The following EDC3 variants were observed in gnomAD, a reference collection of about 807,000 sequenced individuals.
EDC3 encodes the protein enhancer of mRNA decapping 3, also known as enhancer of mRNA-decapping protein 3.
A neutral mutation model predicts 41.8 loss-of-function variants in EDC3; 20 were observed. The observed-to-expected ratio is 0.48, with a 90% confidence interval of 0.34 to 0.70. The LOEUF is 0.70. Ranked by LOEUF, EDC3 falls within the 30% of genes least tolerant of loss-of-function variation. The probability of loss-of-function intolerance (pLI) is 0.01; values close to 1 mark genes in which losing one functional copy is unlikely to be tolerated. For synonymous variants in EDC3, 206 were observed against 243.2 expected, an observed-to-expected ratio of 0.85 and a Z score of 1.42; for missense variants, 444 against 636.8, an observed-to-expected ratio of 0.70 and a Z score of 3.26.
intron 4 of EDC3, chr15:74,641,773 G>C (rs2062354790): frequency 6.5e-6 from 1 of 153,174 alleles, no homozygotes. Flanking sequence ...CCTGAGGTAA[G>C]GAAATTAATC....
At chr15:74,640,307 C>T in intron 5 of EDC3, 159 bp downstream of exon 5, 1 of 803,074 alleles carries the variant, frequency 1.2e-6, no homozygotes, top group East Asian at 2.6e-5. Flanking sequence ...GGCAAAGAAA[C>T]CTCACAGCAT....
intron 1 of EDC3, among the ~76,000 whole-genome samples, chr15:74,681,631 T>C (rs1005198669): frequency 6.6e-6 from 1 of 152,162 alleles, no homozygotes; most frequent in African/African-American, 2.4e-5. Context: ...TTTGACAAAG[T>C]GCAAAAACAA....
chr15:74,663,641 G>A (rs995259108), intron 3 of EDC3, among the ~76,000 whole-genome samples: 1 of 148,546 alleles, frequency 6.7e-6, no homozygotes, highest in African/African-American at 2.5e-5. Flanking sequence ...TAAGAGATAC[G>A]CAACTTTTAT....
intron 4 of EDC3, among the ~76,000 whole-genome samples, chr15:74,650,143 T>G (rs1422801874): frequency 6.6e-6 from 1 of 152,164 alleles, no homozygotes; most frequent in Non-Finnish European, 1.5e-5. Flanking sequence ...CCCCTCTCGT[T>G]CCACCTGGAA....
Position 74,632,479 on chromosome 15 carries a change from T to C in EDC3, c.*133A>G. 8.2e-6 allele frequency: 9 copies of C among 1,092,886 alleles called. No individual in the cohort carries two copies. The highest frequency in any genetic ancestry group is 1.2e-5 in the Non-Finnish European group (9 of 773,738). 67.7% of individuals were successfully genotyped at this position (1,092,886 alleles called of 1,614,324 possible). On this transcript the variant is annotated 3_prime_UTR_variant, in exon 7 of 7. Transcript: ENST00000315127. The surrounding 1 kb of genome is among the most constrained non-coding windows in gnomAD (Gnocchi z 4.0). Reference sequence around the variant, plus strand: ...AAGTGACAGGTCAGTTTTAAGTAAGTTCTGTTCTCTCACAGAAGAAACAAA... The same window carrying C: ...AAGTGACAGGTCAGTTTTAAGTAAGCTCTGTTCTCTCACAGAAGAAACAAA...
intron 3 of EDC3, among the ~76,000 whole-genome samples, chr15:74,664,860 C>T (rs1436159209): frequency 6.6e-6 from 1 of 152,190 alleles, no homozygotes; most frequent in Admixed American, 6.5e-5. Context: ...CATACTGCAA[C>T]AAGATAATAT....
chr15:74,651,176 G>A (rs1378605051), intron 4 of EDC3, among the ~76,000 whole-genome samples: 8 of 152,126 alleles, frequency 5.3e-5, no homozygotes, highest in Non-Finnish European at 8.8e-5. Context: ...ACACATGCAC[G>A]TAGAATCAGT....
intron 1 of EDC3, chr15:74,679,974 C>T (rs532573240): frequency 6.7e-6 from 1 of 150,060 alleles, no homozygotes; most frequent in Non-Finnish European, 1.5e-5. Context: ...AATTATACAC[C>T]ACACCCAGCC....
chr15:74,659,456 G>T (rs1486265399), intron 3 of EDC3, among the ~76,000 whole-genome samples: 2 of 141,882 alleles, frequency 1.4e-5, no homozygotes, highest in Non-Finnish European at 3.0e-5. Context: ...GCAAAACTTC[G>T]ACTCAAAAAA....
At chr15:74,664,622 C>A (rs1024575465) in intron 3 of EDC3, among the ~76,000 whole-genome samples, 2 of 152,180 alleles carry the variant, frequency 1.3e-5, no homozygotes, top group African/African-American at 4.8e-5. Context: ...TGTTTTACTG[C>A]CAGATTAAAC....
At chr15:74,688,673 C>T (rs756330265) in intron 1 of EDC3, among the ~76,000 whole-genome samples, 10 of 152,068 alleles carry the variant, frequency 6.6e-5, no homozygotes, top group Admixed American at 1.3e-4. Flanking sequence ...TGGGAGGCCA[C>T]GGCGGGTGGA....
In EDC3 at chr15:74,661,996, G is replaced by A. The variant is rs540808696; in HGVS notation, c.485-5928C>T. 6.2e-4 allele frequency among the ~76,000 whole-genome samples: 95 copies of A among 152,158 alleles called. 1 individual carries two copies. Among genetic ancestry groups the A allele is most frequent in the African/African-American group, 2.2e-3 (93 of 41,510 alleles). The stretch of plus-strand genomic sequence containing the variant: ...TTTTGTATCCTGCTTTCTCGCTTAG[G>A]AGCATCCTCGAGTTTCATGAAAAAA... On this transcript the variant is annotated intron_variant, in intron 3 of 6. Transcript: ENST00000315127.
intron 1 of EDC3, among the ~76,000 whole-genome samples, chr15:74,681,164 T>C (rs1368588475): frequency 4.6e-5 from 7 of 152,050 alleles, no homozygotes; most frequent in Non-Finnish European, 8.8e-5. Context: ...TAAATCAATA[T>C]TTTTTTTGAG....
At chr15:74,682,812 C>T (rs1231165877) in intron 1 of EDC3, among the ~76,000 whole-genome samples, 1 of 151,604 alleles carries the variant, frequency 6.6e-6, no homozygotes, top group Non-Finnish European at 1.5e-5. Context: ...CACCTGAGGT[C>T]GGGAGTTCGA....
Position 74,640,447 on chromosome 15 carries a change from C to A in EDC3, c.974+19G>T, listed in dbSNP as rs766841115. On this transcript the variant is annotated intron_variant, in intron 5 of 6. Coordinates refer to ENST00000315127, the MANE Select transcript of EDC3 (RefSeq NM_025083.5). ...ATCCTTACTCCACATTGAGTCCCTG[C>A]CAGTTTATAGACATTTACCTGTTAG... 2 of 1,612,432 alleles carry A rather than the reference C, an allele frequency of 1.2e-6. No homozygotes were observed. Among genetic ancestry groups the A allele is most frequent in the East Asian group, 2.2e-5 (1 of 44,854 alleles).
In EDC3 at chr15:74,678,192, A is replaced by G. The variant is rs148943152; in HGVS notation, c.-18-3050T>C. ...ATATGTGTCACTTCAAAACCCATAG[A>G]ATGTACAACACCAAGAGTGAACCCT... is the stretch of plus-strand genomic sequence containing the variant. On this transcript the variant is annotated intron_variant, in intron 1 of 6. Coordinates refer to ENST00000315127, the MANE Select transcript of EDC3 (RefSeq NM_025083.5). Among the ~76,000 whole-genome samples, 1,057 of 152,280 alleles carry G rather than the reference A, an allele frequency of 6.9e-3. 10 individuals are homozygous for G. Among genetic ancestry groups the G allele is most frequent in the Middle Eastern group, 0.017 (5 of 294 alleles).
intron 4 of EDC3, chr15:74,644,554 A>G (rs2062390835): frequency 6.6e-6 from 1 of 152,064 alleles, no homozygotes; most frequent in Non-Finnish European, 1.5e-5. Flanking sequence ...CCTAATGTAG[A>G]TGACGGGTTG....
At chr15:74,673,236 T>C (rs966646052) in intron 2 of EDC3, among the ~76,000 whole-genome samples, 3 of 151,838 alleles carry the variant, frequency 2.0e-5, no homozygotes, top group Non-Finnish European at 2.9e-5. Context: ...TAAGAGGGGA[T>C]GAACCAAGCA....
At chr15:74,673,765 G>A (rs992918827) in intron 2 of EDC3, among the ~76,000 whole-genome samples, 14 of 151,812 alleles carry the variant, frequency 9.2e-5, no homozygotes, top group East Asian at 7.8e-4. Context: ...GCATGAACCC[G>A]GGAGATGGAG....
Sources: gnomAD v4.1 joint callset for allele counts (sites outside exome capture counted in the v4.1 genomes callset) on GRCh38, gnomAD v4.1.1 for gene constraint, Gnocchi (gnomAD v3.1) non-coding constraint, MANE v1.5 for transcripts, NCBI Gene and HGNC (gene_info 2026-07-23, HGNC 2026-07-21) for gene names.